Variants in USH2A observed in about 807,000 individuals in gnomAD.
The protein encoded by USH2A is usherin, also known as Usher syndrome 2A (autosomal recessive, mild).
A neutral mutation model predicts 538.9 loss-of-function variants in USH2A; 443 were observed. The ratio of observed to expected loss-of-function variants is 0.82; its 90% CI spans 0.76 to 0.89. The LOEUF is 0.89. Ranked by LOEUF, USH2A falls within the 40% of genes least tolerant of loss-of-function variation. USH2A has a pLI of 0.00. For synonymous variants in USH2A, 2,413 were observed against 2,273.5 expected, an observed-to-expected ratio of 1.06 and a Z score of -1.75; for missense variants, 6,633 against 6,324.8, an observed-to-expected ratio of 1.05 and a Z score of -1.65.
At chr1:216,138,183 C>T (rs1281795057) in intron 21 of USH2A, among the ~76,000 whole-genome samples, 2 of 152,084 alleles carry the variant, frequency 1.3e-5, no homozygotes, top group African/African-American at 2.4e-5. Flanking sequence ...AGCAGATAGA[C>T]ACATCACTAA....
chr1:215,703,038 T>C (rs953518614), intron 61 of USH2A, among the ~76,000 whole-genome samples: 4 of 152,156 alleles, frequency 2.6e-5, no homozygotes, highest in African/African-American at 9.7e-5. Context: ...TTGCTTTCTG[T>C]TTGTTAGTTT....
chr1:215,973,297 A>G (rs932729085), intron 35 of USH2A, among the ~76,000 whole-genome samples: 1 of 152,184 alleles, frequency 6.6e-6, no homozygotes, highest in Non-Finnish European at 1.5e-5. Context: ...GATATTTTAT[A>G]GAAGTTAATT....
chr1:215,899,925 C>T, intron 40 of USH2A, 150 bp downstream of exon 40: 1 of 1,132,580 alleles, frequency 8.8e-7, no homozygotes, highest in Non-Finnish European at 1.3e-6. Flanking sequence ...GACTGACCAC[C>T]TTTGCTCACT....
At chr1:216,138,311 A>G (rs906349893) in intron 21 of USH2A, among the ~76,000 whole-genome samples, 1 of 152,214 alleles carries the variant, frequency 6.6e-6, no homozygotes, top group African/African-American at 2.4e-5. Context: ...ATTCAGTTGA[A>G]TAAAGGCAAA....
chr1:215,873,412 A>G (rs957370456), intron 43 of USH2A, among the ~76,000 whole-genome samples: 1 of 152,208 alleles, frequency 6.6e-6, no homozygotes, highest in Non-Finnish European at 1.5e-5. Context: ...GACATTATTT[A>G]TATTATAGAA....
rs562943334 is a variant in USH2A, at chr1:216,082,278, C to CGAAGATTCATAGACATTACATTTCAGA, written c.5298+1151_5298+1177dup. Among the ~76,000 whole-genome samples the CGAAGATTCATAGACATTACATTTCAGA allele has an allele frequency of 2.3e-3, 345 of 151,958 alleles. 1 individual carries two copies. The highest frequency in any genetic ancestry group is 3.8e-3 in the Non-Finnish European group (257 of 67,928). The stretch of plus-strand genomic sequence containing the variant: ...TAGATTCATAGACATTACGTTTCAG[C>CGAAGATTCATAGACATTACATTTCAGA]GAAGATTCATAGACATTACATTTCA... On this transcript the variant is annotated intron_variant, in intron 26 of 71. Transcript: ENST00000307340.
chr1:215,842,783 G>C (rs1663718982), intron 46 of USH2A, among the ~76,000 whole-genome samples: 1 of 151,966 alleles, frequency 6.6e-6, no homozygotes, highest in Non-Finnish European at 1.5e-5. Flanking sequence ...ACACAGCGAG[G>C]GGAACAACAC....
intron 44 of USH2A, among the ~76,000 whole-genome samples, chr1:215,863,380 C>T (rs1297025021): frequency 2.0e-5 from 3 of 152,196 alleles, no homozygotes; most frequent in East Asian, 3.9e-4. Flanking sequence ...ATGGTAGGTG[C>T]TTTTTAGAAG....
chr1:215,686,276 C>A (rs1346476577), intron 61 of USH2A, among the ~76,000 whole-genome samples: 1 of 151,866 alleles, frequency 6.6e-6, no homozygotes, highest in Non-Finnish European at 1.5e-5. Context: ...ATAATAAGCA[C>A]CAGAGAAATA....
chr1:216,196,717 C>G lies in USH2A; in HGVS notation c.4087G>C (p.Val1363Leu). The change falls in exon 19 of 72, where the codon GTA becomes CTA. Residue 1363 changes from valine (V) to leucine (L), a missense_variant. By Grantham distance (32) the Val-to-Leu change is conservative. Coordinates refer to ENST00000307340, the MANE Select transcript of USH2A (RefSeq NM_206933.4). ...VSERTGESAP[V>L]FMIPPSVFPL... Reference sequence around the variant, plus strand: ...AAGACTGAAGGAGGGATCATGAATACAGGTGCTATCAATGAGAACAATAAC... The same window carrying G: ...AAGACTGAAGGAGGGATCATGAATAGAGGTGCTATCAATGAGAACAATAAC... 6.2e-7 allele frequency: 1 copy of G among 1,612,774 alleles called. No homozygotes were observed. The highest frequency in any genetic ancestry group is 8.5e-7 in the Non-Finnish European group (1 of 1,179,300).
intron 32 of USH2A, among the ~76,000 whole-genome samples, chr1:216,011,405 T>C (rs1668565503): frequency 6.6e-6 from 1 of 152,158 alleles, no homozygotes; most frequent in African/African-American, 2.4e-5. Flanking sequence ...AGCCCAAATT[T>C]CATCCTCATC....
intron 60 of USH2A, 50 bp downstream of exon 60, chr1:215,741,325 G>A (rs1660293491): frequency 6.3e-7 from 1 of 1,578,966 alleles, no homozygotes; most frequent in Non-Finnish European, 8.7e-7. Context: ...CTGTGTTGGA[G>A]CAGTACGCAT....
chr1:216,099,364 TCAAA>T (rs2032522359), intron 21 of USH2A, among the ~76,000 whole-genome samples: 1 of 152,146 alleles, frequency 6.6e-6, no homozygotes, highest in South Asian at 2.1e-4. Flanking sequence ...TTTTCAGTAG[TCAAA>T]CACACTTGGA....
chr1:216,411,397 C>A (rs1393266109), intron 3 of USH2A, among the ~76,000 whole-genome samples: 4 of 152,100 alleles, frequency 2.6e-5, no homozygotes, highest in African/African-American at 9.7e-5. Flanking sequence ...GTGACTCTGA[C>A]CTTATTTGGG....
intron 38 of USH2A, among the ~76,000 whole-genome samples, chr1:215,925,284 A>G (rs753227653): frequency 6.6e-6 from 1 of 152,094 alleles, no homozygotes; most frequent in South Asian, 2.1e-4. Context: ...GGTTAAATTA[A>G]ATGGCCTGGT....
intron 21 of USH2A, among the ~76,000 whole-genome samples, chr1:216,148,847 A>G (rs570367835): frequency 6.6e-6 from 1 of 151,060 alleles, no homozygotes; most frequent in Non-Finnish European, 1.5e-5. Context: ...GCCTCTCTTC[A>G]CTTTCACTTG....
At chr1:216,184,334 T>C (rs1257025421) in intron 20 of USH2A, among the ~76,000 whole-genome samples, 1 of 152,028 alleles carries the variant, frequency 6.6e-6, no homozygotes, top group African/African-American at 2.4e-5. Flanking sequence ...TTCCCCACTT[T>C]CTTGGCAGCA....
At chr1:216,395,673 T>C (rs1320358616) in intron 3 of USH2A, among the ~76,000 whole-genome samples, 1 of 152,200 alleles carries the variant, frequency 6.6e-6, no homozygotes, top group Non-Finnish European at 1.5e-5. Flanking sequence ...CTCATGCCCC[T>C]TAGGGGACAC....
chr1:216,114,057 AATG>A (rs1392912585), intron 21 of USH2A, among the ~76,000 whole-genome samples: 46 of 151,922 alleles, frequency 3.0e-4, no homozygotes, highest in African/African-American at 1.1e-3. Context: ...TTTGTATTAA[AATG>A]ATTATTATAA....
Sources: gnomAD v4.1 joint callset for allele counts (sites outside exome capture counted in the v4.1 genomes callset) on GRCh38, gnomAD v4.1.1 for gene constraint, MANE v1.5 for transcripts, NCBI Gene and HGNC (gene_info 2026-07-23, HGNC 2026-07-21) for gene names.